The following ADAM20 variants were observed in gnomAD, a reference collection of about 807,000 sequenced individuals.
ADAM20 encodes the protein disintegrin and metalloproteinase domain-containing protein 20.
For missense variants in ADAM20, 871 were observed against 883.2 expected (o/e 0.99, Z 0.18); for synonymous variants, 305 against 310.2 (o/e 0.98, Z 0.18).
chr14:70,526,073 T>C (rs1490655200), intron 1 of ADAM20, among the ~76,000 whole-genome samples: 1 of 152,226 alleles, frequency 6.6e-6, no homozygotes, highest in Non-Finnish European at 1.5e-5. Context: ...CATTCTAATG[T>C]TCAGAAGACC....
chr14:70,566,471 C>T, the ADAM20 span, among the ~76,000 whole-genome samples: 2 of 151,214 alleles, frequency 1.3e-5, no homozygotes, highest in African/African-American at 4.9e-5. Context: ...CACAACACTA[C>T]AAAAATCAAG....
chr14:70,538,878 A>G (rs570913109), upstream of ADAM20, among the ~76,000 whole-genome samples: 2 of 151,902 alleles, frequency 1.3e-5, no homozygotes, highest in African/African-American at 4.8e-5. Flanking sequence ...GCTCACTGCA[A>G]CCTCCACCTC....
chr14:70,529,554 G>C (rs547998404), intron 1 of ADAM20, among the ~76,000 whole-genome samples: 3 of 152,272 alleles, frequency 2.0e-5, no homozygotes, highest in South Asian at 4.1e-4. Flanking sequence ...TTGTTCCTAT[G>C]CTACAAACCT....
chr14:70,554,154 A>G, the ADAM20 span, among the ~76,000 whole-genome samples: 1 of 152,238 alleles, frequency 6.6e-6, no homozygotes, highest in African/African-American at 2.4e-5. Flanking sequence ...ATAAAAAAGT[A>G]ATCCCATTTA....
chr14:70,529,974 C>G (rs977476687), intron 1 of ADAM20, among the ~76,000 whole-genome samples: 1 of 152,192 alleles, frequency 6.6e-6, no homozygotes, highest in African/African-American at 2.4e-5. Context: ...AAACATTGTA[C>G]AGCTGTACAA....
the ADAM20 span, among the ~76,000 whole-genome samples, chr14:70,553,076 G>A: frequency 1.0e-3 from 37 of 36,376 alleles, no homozygotes; most frequent in Middle Eastern, 7.4e-3. Flanking sequence ...ACCAAACACC[G>A]CATATTCTCA....
At chr14:70,568,115 A>T in the ADAM20 span, among the ~76,000 whole-genome samples, 3 of 151,618 alleles carry the variant, frequency 2.0e-5, no homozygotes, top group Non-Finnish European at 4.4e-5. Flanking sequence ...CTGCTACCAG[A>T]AGGGCTTAGT....
intron 1 of ADAM20, among the ~76,000 whole-genome samples, chr14:70,533,224 A>G (rs959031702): frequency 6.6e-6 from 1 of 152,178 alleles, no homozygotes; most frequent in Non-Finnish European, 1.5e-5. Context: ...CAGATATACC[A>G]TTTAACCCAG....
the ADAM20 span, among the ~76,000 whole-genome samples, chr14:70,554,875 A>G: frequency 6.6e-6 from 1 of 152,196 alleles, no homozygotes. Flanking sequence ...GAACGAAGGG[A>G]TTTATTGAAA....
At chr14:70,567,808 A>G in the ADAM20 span, among the ~76,000 whole-genome samples, 2 of 152,080 alleles carry the variant, frequency 1.3e-5, no homozygotes, top group Admixed American at 6.5e-5. Flanking sequence ...CCAGGAACCA[A>G]AAGTATTTAT....
In ADAM20 at chr14:70,523,146, C is replaced by T; in HGVS notation, c.1612G>A (p.Gly538Arg). The change falls in exon 2 of 2, where the codon GGA becomes AGA. Residue 538 changes from glycine to arginine, a missense_variant. Physicochemically the swap from Gly to Arg is moderately radical, Grantham distance 125. Transcript: ENST00000256389. Reference protein sequence around the residue: ...QSCYQEINTQGNRFGHCGIVG... With the variant: ...QSCYQEINTQRNRFGHCGIVG... ...ATACCACAGTGACCGAAACGGTTTCCTTGGGTGTTGATTTCTTGGTAGCAA... is the reference window on the plus strand; with the variant it reads ...ATACCACAGTGACCGAAACGGTTTCTTTGGGTGTTGATTTCTTGGTAGCAA... The T allele has an allele frequency of 6.2e-7, 1 of 1,613,924 alleles. No individual in the cohort carries two copies. The highest frequency in any genetic ancestry group is 8.5e-7 in the Non-Finnish European group (1 of 1,179,906).
chr14:70,533,147 T>C (rs771091359), intron 1 of ADAM20, among the ~76,000 whole-genome samples: 5 of 152,212 alleles, frequency 3.3e-5, no homozygotes, highest in Admixed American at 6.5e-5. Flanking sequence ...TTTACACTGT[T>C]GGCGAGAGTG....
the ADAM20 span, among the ~76,000 whole-genome samples, chr14:70,559,754 C>T: frequency 2.6e-5 from 4 of 152,164 alleles, no homozygotes; most frequent in African/African-American, 4.8e-5. Flanking sequence ...AGCATACACC[C>T]ATCTCAGGGT....
At chr14:70,525,353 C>T (rs1472086159) in intron 1 of ADAM20, among the ~76,000 whole-genome samples, 1 of 152,072 alleles carries the variant, frequency 6.6e-6, no homozygotes, top group African/African-American at 2.4e-5. Flanking sequence ...GAACTGCAGG[C>T]ATGCATTGCA....
the ADAM20 span, among the ~76,000 whole-genome samples, chr14:70,569,885 CAAAAAAAAAAAAAAA>C: frequency 7.9e-5 from 6 of 76,188 alleles, no homozygotes; most frequent in South Asian, 1.2e-3. Context: ...AGAAAACTAA[CAAAAAAAAAAAAAAA>C]AAAAAAAAAA....
the ADAM20 span, among the ~76,000 whole-genome samples, chr14:70,559,505 C>T: frequency 6.6e-6 from 1 of 152,148 alleles, no homozygotes; most frequent in African/African-American, 2.4e-5. Context: ...ACTCAATTCC[C>T]ATATATCAGG....
At chr14:70,552,921 A>T in the ADAM20 span, among the ~76,000 whole-genome samples, 439 of 43,740 alleles carry the variant, frequency 0.01, 6 homozygotes, top group African/African-American at 0.04. Context: ...AATGTCCAAC[A>T]ATGATAGACT....
Position 70,524,879 on chromosome 14 carries a change from G to A in ADAM20, c.-122C>T. 5 of 1,612,084 alleles carry A rather than the reference G, an allele frequency of 3.1e-6. No homozygotes were observed. The highest frequency in any genetic ancestry group is 4.2e-6 in the Non-Finnish European group (5 of 1,179,540). ...GCATGGCTGACCTTTAGGGATCTGG[G>A]GATCTGTGTCCTGGTGGAGCTGGAC... On this transcript the variant is annotated 5_prime_UTR_variant, in exon 2 of 2. Transcript: ENST00000256389.
At chr14:70,572,920 A>G in the ADAM20 span, among the ~76,000 whole-genome samples, 2 of 152,170 alleles carry the variant, frequency 1.3e-5, no homozygotes, top group Non-Finnish European at 2.9e-5. Context: ...CTATTACTAA[A>G]AAGTAAAAAA....
Sources: allele counts gnomAD v4.1 joint callset (sites outside exome capture counted in the v4.1 genomes callset), GRCh38; gene constraint gnomAD v4.1.1; transcripts MANE v1.5; gene names NCBI Gene and HGNC (gene_info 2026-07-23, HGNC 2026-07-21).